RGS8: variants seen among roughly 807,000 people sequenced by gnomAD.
RGS8 encodes the protein regulator of G-protein signaling 8.
RGS8 carries 8 observed loss-of-function variants against 21.7 expected under a neutral mutation model. The ratio of observed to expected loss-of-function variants is 0.37; its 90% CI spans 0.22 to 0.66. RGS8 has a LOEUF of 0.66. Among genes scored for constraint, RGS8 ranks in the 30% least tolerant of loss-of-function variants. RGS8 has a pLI of 0.59. For missense variants in RGS8, 157 were observed against 217.9 expected, an observed-to-expected ratio of 0.72 and a Z score of 1.76; for synonymous variants, 80 against 83.6, an observed-to-expected ratio of 0.96 and a Z score of 0.24.
exon 7 of RGS8, chr1:182,646,855 A>C: frequency 6.2e-7 from 1 of 1,614,182 alleles, no homozygotes; most frequent in Non-Finnish European, 8.5e-7. Context: ...GGTCAAAGCA[A>C]GTCAGGGATG....
chr1:182,711,170 A>C, the RGS8 span, among the ~76,000 whole-genome samples: 1 of 152,222 alleles, frequency 6.6e-6, no homozygotes, highest in African/African-American at 2.4e-5. Flanking sequence ...GTGATGAGCC[A>C]GTACCTCTGT....
the RGS8 span, among the ~76,000 whole-genome samples, chr1:182,709,900 C>T: frequency 6.6e-6 from 1 of 152,180 alleles, no homozygotes; most frequent in African/African-American, 2.4e-5. Flanking sequence ...TAGTTCTTGG[C>T]TGCAAGCAAC....
At chr1:182,720,718 T>C in the RGS8 span, among the ~76,000 whole-genome samples, 1 of 152,020 alleles carries the variant, frequency 6.6e-6, no homozygotes, top group Non-Finnish European at 1.5e-5. Flanking sequence ...CCTCTCTATT[T>C]ACCCATGTGT....
At chr1:182,671,719 G>A in exon 2 of RGS8, 1 of 1,614,180 alleles carries the variant, frequency 6.2e-7, no homozygotes, top group Non-Finnish European at 8.5e-7. Context: ...AGAGGCTTCG[G>A]GTTAAGGTGT....
downstream of RGS8, chr1:182,643,314 C>G (rs1306081008): frequency 3.9e-5 from 4 of 103,218 alleles, no homozygotes; most frequent in African/African-American, 9.2e-5. Flanking sequence ...GTGTCTCCCC[C>G]CTCCCCCAGC....
chr1:182,739,969 A>AACCAACC, the RGS8 span, among the ~76,000 whole-genome samples: 1 of 151,942 alleles, frequency 6.6e-6, no homozygotes, highest in Non-Finnish European at 1.5e-5. Flanking sequence ...AGCTCCCAAC[A>AACCAACC]CCCAACCCCC....
upstream of RGS8, among the ~76,000 whole-genome samples, chr1:182,686,168 G>C (rs1187217148): frequency 3.9e-5 from 6 of 152,170 alleles, no homozygotes; most frequent in African/African-American, 1.2e-4. Context: ...AGAGGTACCT[G>C]GTATGTTTGG....
At chr1:182,656,806 T>C (rs1053406802) in intron 5 of RGS8, among the ~76,000 whole-genome samples, 2 of 152,140 alleles carry the variant, frequency 1.3e-5, no homozygotes, top group South Asian at 2.1e-4. Flanking sequence ...AGAGAACAGA[T>C]TGTGGCAAAG....
intron 1 of RGS8, among the ~76,000 whole-genome samples, chr1:182,682,029 C>G (rs979511503): frequency 1.3e-5 from 2 of 152,076 alleles, no homozygotes; most frequent in Non-Finnish European, 2.9e-5. Context: ...AGAGGGGAAG[C>G]AAGAAAGCAT....
At chr1:182,703,359 C>T in the RGS8 span, among the ~76,000 whole-genome samples, 1 of 152,298 alleles carries the variant, frequency 6.6e-6, no homozygotes, top group African/African-American at 2.4e-5. Flanking sequence ...ACTGCTCTGA[C>T]CCACAAATCC....
At chr1:182,644,672 A>G (rs1473548969), downstream of RGS8, 1 of 152,228 alleles carries the variant, frequency 6.6e-6, no homozygotes, top group Non-Finnish European at 1.5e-5. Flanking sequence ...AACTCTGTGC[A>G]GTTCTAATTT....
the RGS8 span, among the ~76,000 whole-genome samples, chr1:182,732,782 G>C: frequency 6.6e-6 from 1 of 152,174 alleles, no homozygotes; most frequent in Non-Finnish European, 1.5e-5. Context: ...AGCTCCTGGA[G>C]GATTCTTTGA....
At chr1:182,671,802 A>C (rs1664176934) in intron 1 of RGS8, 72 bp from the exon 3 acceptor site, 1 of 1,607,286 alleles carries the variant, frequency 6.2e-7, no homozygotes, top group Non-Finnish European at 8.5e-7. Context: ...GCATGAACAC[A>C]TAGGGGCACA....
chr1:182,672,009 C>T (rs192400635), upstream of RGS8: 127 of 1,020,308 alleles, frequency 1.2e-4, 1 homozygote, highest in East Asian at 4.5e-3. Flanking sequence ...GCAGAAGGTG[C>T]CCCTGAGCTG....
At chr1:182,698,848 A>G in the RGS8 span, among the ~76,000 whole-genome samples, 14 of 152,212 alleles carry the variant, frequency 9.2e-5, no homozygotes, top group African/African-American at 3.4e-4. Flanking sequence ...GTAAGCACAG[A>G]ATTCACTGCA....
chr1:182,659,426 C>T (rs1007820104), intron 5 of RGS8, among the ~76,000 whole-genome samples: 3 of 152,170 alleles, frequency 2.0e-5, no homozygotes, highest in African/African-American at 7.2e-5. Flanking sequence ...TGTAGCCGGG[C>T]GCGGTGGCTC....
intron 6 of RGS8, among the ~76,000 whole-genome samples, chr1:182,647,470 T>C (rs1662756835): frequency 6.6e-6 from 1 of 152,234 alleles, no homozygotes; most frequent in Admixed American, 6.5e-5. Flanking sequence ...ATTGAAGGAA[T>C]CTAAAAATGC....
At chr1:182,728,524 CT>C in the RGS8 span, among the ~76,000 whole-genome samples, 1 of 151,922 alleles carries the variant, frequency 6.6e-6, no homozygotes, top group Non-Finnish European at 1.5e-5. Context: ...CTTCATGGAG[CT>C]GAAAAGGAGG....
chr1:182,666,868 T>C lies in RGS8; in HGVS notation c.128+4A>G, dbSNP rs1192333307. 6.2e-7 allele frequency: 1 copy of C among 1,611,362 alleles called. No homozygotes were observed. Among genetic ancestry groups the C allele is most frequent in the African/African-American group, 1.3e-5 (1 of 74,884 alleles). The stretch of plus-strand genomic sequence containing the variant: ...AGGGAATGGCACGTGGCCGTACTAC[T>C]CACTTGAGAGCGCGGTTGGGTTTGT... On this transcript the variant is annotated splice_donor_region_variant and intron_variant, in intron 4 of 6. Coordinates refer to ENST00000483095, the Ensembl canonical transcript of RGS8.
Sources: allele counts gnomAD v4.1 joint callset (sites outside exome capture counted in the v4.1 genomes callset), GRCh38; gene constraint gnomAD v4.1.1; transcripts MANE v1.5; gene names NCBI Gene and HGNC (gene_info 2026-07-23, HGNC 2026-07-21).